ZDHHC15: variants seen among roughly 807,000 people sequenced by gnomAD.
The protein encoded by ZDHHC15 is palmitoyltransferase ZDHHC15.
A neutral mutation model predicts 31.7 loss-of-function variants in ZDHHC15; 19 were observed. That is an observed-to-expected ratio of 0.60 (90% confidence interval 0.42 to 0.88). The LOEUF (loss-of-function observed/expected upper bound fraction) is 0.88. Among genes scored for constraint, ZDHHC15 ranks in the 40% least tolerant of loss-of-function variants. ZDHHC15 has a pLI of 0.00. For missense variants in ZDHHC15, 209 were observed against 251.2 expected (o/e 0.83, Z 1.14); for synonymous variants, 103 against 90.0 (o/e 1.14, Z -0.82).
At chrX:75,392,467 C>A (rs185665809) in intron 10 of ZDHHC15, among the ~76,000 whole-genome samples, 1 of 112,083 alleles carries the variant, frequency 8.9e-6, no homozygotes, top group Admixed American at 9.5e-5. Flanking sequence ...ACTTTGTATT[C>A]TTCAGTCCAA....
intron 1 of ZDHHC15, among the ~76,000 whole-genome samples, chrX:75,509,791 G>A (rs765173050): frequency 4.7e-4 from 53 of 112,412 alleles, no homozygotes; most frequent in Non-Finnish European, 9.6e-4. Flanking sequence ...CTTAATTATT[G>A]TTAGCAATTT....
chrX:75,460,166 C>T (rs923823030), intron 3 of ZDHHC15, among the ~76,000 whole-genome samples: 5 of 111,935 alleles, frequency 4.5e-5, no homozygotes, highest in East Asian at 5.6e-4. Flanking sequence ...TGAGCCACCA[C>T]GACTGGCCAG....
intron 3 of ZDHHC15, among the ~76,000 whole-genome samples, chrX:75,458,991 CA>C (rs775652299): frequency 0.11 from 1,777 of 15,677 alleles, 70 homozygotes; most frequent in African/African-American, 0.22. Flanking sequence ...GGCACAGAGA[CA>C]AAAAAAAAAA....
At chrX:75,447,276 T>A (rs938860595) in intron 4 of ZDHHC15, among the ~76,000 whole-genome samples, 1 of 112,312 alleles carries the variant, frequency 8.9e-6, no homozygotes, top group African/African-American at 3.2e-5. Flanking sequence ...GTTTTGTCCT[T>A]ACTGGAATAG....
intron 10 of ZDHHC15, among the ~76,000 whole-genome samples, chrX:75,394,843 G>T (rs2083283086): frequency 9.0e-6 from 1 of 111,651 alleles, no homozygotes; most frequent in Non-Finnish European, 1.9e-5. Flanking sequence ...AGTAACATCA[G>T]ATAATATGCA....
intron 1 of ZDHHC15, among the ~76,000 whole-genome samples, chrX:75,510,163 G>A (rs774381213): frequency 1.2e-4 from 13 of 111,739 alleles, no homozygotes; most frequent in African/African-American, 1.9e-4. Context: ...CTGGATGATC[G>A]TAATACTTAC....
intron 1 of ZDHHC15, among the ~76,000 whole-genome samples, chrX:75,515,323 C>T (rs1371871953): frequency 3.6e-5 from 4 of 110,930 alleles, no homozygotes; most frequent in Non-Finnish European, 7.6e-5. Context: ...AACATTGATG[C>T]AAAATCCTCA....
intron 5 of ZDHHC15, among the ~76,000 whole-genome samples, chrX:75,430,669 G>C (rs1424418619): frequency 9.0e-6 from 1 of 111,696 alleles, no homozygotes; most frequent in African/African-American, 3.3e-5. Context: ...TCCTTTCAAA[G>C]AGTAAAGCAT....
intron 10 of ZDHHC15, among the ~76,000 whole-genome samples, chrX:75,391,073 T>C: frequency 8.9e-6 from 1 of 111,936 alleles, no homozygotes; most frequent in African/African-American, 3.2e-5. Flanking sequence ...AAAAATTCAA[T>C]TGAATACTGA....
intron 10 of ZDHHC15, among the ~76,000 whole-genome samples, chrX:75,381,896 G>A (rs938283469): frequency 1.2e-4 from 13 of 110,762 alleles, no homozygotes; most frequent in Middle Eastern, 4.2e-3. Context: ...CTTCTTCCTC[G>A]CATCTATCCT....
At chrX:75,400,958 C>T (rs2083349692) in intron 10 of ZDHHC15, among the ~76,000 whole-genome samples, 1 of 111,524 alleles carries the variant, frequency 9.0e-6, no homozygotes, top group African/African-American at 3.3e-5. Context: ...CCAGACCTGT[C>T]TCAGAAGAGA....
chrX:75,500,660 T>C (rs1453160784), intron 2 of ZDHHC15, among the ~76,000 whole-genome samples: 1 of 110,236 alleles, frequency 9.1e-6, no homozygotes, highest in African/African-American at 3.3e-5. Flanking sequence ...AAAATATCTA[T>C]ATTTAAATGT....
At chrX:75,421,422 A>AATATATATATAAT (rs2083635196) in intron 9 of ZDHHC15, among the ~76,000 whole-genome samples, 1 of 54,602 alleles carries the variant, frequency 1.8e-5, no homozygotes, top group Admixed American at 2.7e-4. Flanking sequence ...ATATATATAT[A>AATATATATATAAT]ATATATATAT....
intron 2 of ZDHHC15, among the ~76,000 whole-genome samples, chrX:75,500,068 G>A (rs2085066100): frequency 9.0e-6 from 1 of 111,031 alleles, no homozygotes; most frequent in Non-Finnish European, 1.9e-5. Context: ...GTTATAAGTG[G>A]GAGCTAAGTT....
chrX:75,431,428 G>A, intron 5 of ZDHHC15, 23 bp downstream of exon 5: 1 of 1,200,199 alleles, frequency 8.3e-7, no homozygotes, highest in Non-Finnish European at 1.1e-6. Flanking sequence ...GCCCAGCCCA[G>A]GGGAAATATG....
At chrX:75,496,420 C>G (rs2085000650) in intron 2 of ZDHHC15, among the ~76,000 whole-genome samples, 1 of 111,298 alleles carries the variant, frequency 9.0e-6, no homozygotes, top group Non-Finnish European at 1.9e-5. Context: ...GACTTCGATA[C>G]TCAACTGACA....
chrX:75,482,203 G>C (rs1027585472), intron 2 of ZDHHC15, among the ~76,000 whole-genome samples: 1 of 111,063 alleles, frequency 9.0e-6, no homozygotes, highest in Non-Finnish European at 1.9e-5. Flanking sequence ...GGGCTCAATT[G>C]TACCCCAAAT....
At chrX:75,381,624 G>A (rs1341339299) in intron 10 of ZDHHC15, among the ~76,000 whole-genome samples, 2 of 111,225 alleles carry the variant, frequency 1.8e-5, no homozygotes, top group African/African-American at 6.5e-5. Context: ...AAACTTAATA[G>A]CTATTTTCTA....
intron 4 of ZDHHC15, among the ~76,000 whole-genome samples, chrX:75,442,629 A>G (rs2083958824): frequency 8.9e-6 from 1 of 111,994 alleles, no homozygotes; most frequent in Non-Finnish European, 1.9e-5. Flanking sequence ...ACTACAAACT[A>G]CTGCTCAATG....
Sources: gnomAD v4.1 joint callset for allele counts (sites outside exome capture counted in the v4.1 genomes callset) on GRCh38, gnomAD v4.1.1 for gene constraint, MANE v1.5 for transcripts, NCBI Gene and HGNC (gene_info 2026-07-23, HGNC 2026-07-21) for gene names.